Variants in SENP6 observed in about 807,000 individuals in gnomAD.
The protein encoded by SENP6 is sentrin-specific protease 6.
In SENP6, 41 loss-of-function variants were observed where a neutral mutation model predicts 134.5. The ratio of observed to expected loss-of-function variants is 0.30; its 90% CI spans 0.24 to 0.40. SENP6 has a LOEUF of 0.40. Among genes scored for constraint, SENP6 ranks in the 10% least tolerant of loss-of-function variants. SENP6 has a pLI of 1.00. For synonymous variants in SENP6, 395 were observed against 429.8 expected, an observed-to-expected ratio of 0.92 and a Z score of 1.00; for missense variants, 1,248 against 1,312.5, an observed-to-expected ratio of 0.95 and a Z score of 0.76.
chr6:75,636,222 G>A (rs1177131612), intron 5 of SENP6, among the ~76,000 whole-genome samples: 1 of 152,090 alleles, frequency 6.6e-6, no homozygotes, highest in Non-Finnish European at 1.5e-5. Context: ...AACAACCTGA[G>A]TTAATTTGTA....
intron 21 of SENP6, 89 bp downstream of exon 21, chr6:75,711,505 C>T (rs1258859276): frequency 1.3e-6 from 1 of 781,344 alleles, no homozygotes; most frequent in South Asian, 2.4e-5. Context: ...TAAATAAATA[C>T]TTAAGCAAAA....
intron 3 of SENP6, among the ~76,000 whole-genome samples, chr6:75,628,074 G>A (rs546907472): frequency 1.1e-4 from 16 of 152,150 alleles, no homozygotes; most frequent in South Asian, 4.1e-4. Flanking sequence ...AGGACACATT[G>A]ATTTATTTAG....
At position 75,711,568 on chromosome 6, in the gene SENP6, A is replaced by G. The variant is rs909440615; in HGVS notation, c.2909+152A>G. On this transcript the variant is annotated intron_variant, in intron 21 of 23. Transcript: ENST00000447266. ...GAAACTTGAGGCATGCTATCTAGGG[A>G]TTAAAATGGGAAGAATGGGTAATCA... 7.6e-6 allele frequency: 4 copies of G among 524,420 alleles called. No homozygotes were observed. In the African/African-American group the frequency reaches 7.7e-5, roughly 10 times the overall value. The allele number at this position is 524,420 out of a possible 1,614,324, so 32.5% of individuals were successfully genotyped here.
chr6:75,603,256 G>GACTA (rs1245784525), intron 1 of SENP6, among the ~76,000 whole-genome samples: 3 of 152,302 alleles, frequency 2.0e-5, no homozygotes, highest in Admixed American at 2.0e-4. Flanking sequence ...GCTGTAAGTA[G>GACTA]ACTAAGCCAG....
At chr6:75,682,592 T>A (rs2149883482) in intron 16 of SENP6, among the ~76,000 whole-genome samples, 1 of 152,154 alleles carries the variant, frequency 6.6e-6, no homozygotes, top group South Asian at 2.1e-4. Flanking sequence ...TGTGTGATGT[T>A]CCCCGCCCTG....
In SENP6 at chr6:75,693,946, ATAAC is replaced by A. The variant is rs1469622317; in HGVS notation, c.2076-1854_2076-1851del. Reference sequence around the variant, plus strand: ...TGTTTTGCTATAGATGTATAAAAAAATAACTAAGGCAATAAAAACTTAGAACCAG... The same window carrying A: ...TGTTTTGCTATAGATGTATAAAAAAATAAGGCAATAAAAACTTAGAACCAG... On this transcript the variant is annotated intron_variant, in intron 16 of 23. Coordinates refer to ENST00000447266, the MANE Select transcript of SENP6 (RefSeq NM_015571.4). Among the ~76,000 whole-genome samples, 20 of 152,136 alleles carry A rather than the reference ATAAC, an allele frequency of 1.3e-4. No homozygotes were observed. The East Asian group carries it at 3.3e-3, about 25-fold the overall frequency.
At chr6:75,682,858 A>G (rs1049588304) in intron 16 of SENP6, among the ~76,000 whole-genome samples, 10 of 152,176 alleles carry the variant, frequency 6.6e-5, no homozygotes, top group East Asian at 1.9e-4. Flanking sequence ...TAGTGCCGCA[A>G]TAAACATACA....
chr6:75,672,250 T>C (rs1772737097), intron 11 of SENP6, among the ~76,000 whole-genome samples: 1 of 152,244 alleles, frequency 6.6e-6, no homozygotes, highest in African/African-American at 2.4e-5. Context: ...TTTATAACTC[T>C]TCAGTGTGAT....
At chr6:75,678,323 TAGTA>T (rs980386106) in intron 14 of SENP6, 5 of 322,472 alleles carry the variant, frequency 1.6e-5, no homozygotes, top group Admixed American at 5.2e-5. Flanking sequence ...TTCATGTAGA[TAGTA>T]GAGAGAGAAG....
chr6:75,683,329 A>G (rs751048459), intron 16 of SENP6, among the ~76,000 whole-genome samples: 4 of 152,120 alleles, frequency 2.6e-5, no homozygotes, highest in Admixed American at 6.5e-5. Flanking sequence ...GTAGATTGCA[A>G]AAATTTTGTC....
chr6:75,693,262 G>A (rs1774413994), intron 16 of SENP6, among the ~76,000 whole-genome samples: 2 of 151,976 alleles, frequency 1.3e-5, no homozygotes, highest in Non-Finnish European at 2.9e-5. Flanking sequence ...GAAATTAGCT[G>A]GGTGTGGTGG....
At chr6:75,705,329 TA>T in intron 19 of SENP6, among the ~76,000 whole-genome samples, 1 of 151,988 alleles carries the variant, frequency 6.6e-6, no homozygotes, top group Non-Finnish European at 1.5e-5. Flanking sequence ...GGTGGATCAG[TA>T]GGTCAGGAGT....
intron 1 of SENP6, among the ~76,000 whole-genome samples, chr6:75,621,225 G>T (rs2149828696): frequency 6.6e-6 from 1 of 152,324 alleles, no homozygotes; most frequent in East Asian, 1.9e-4. Context: ...AGTGATCAAA[G>T]ATGAGATTTA....
intron 16 of SENP6, among the ~76,000 whole-genome samples, chr6:75,686,489 A>C (rs538914358): frequency 3.9e-5 from 6 of 152,278 alleles, no homozygotes; most frequent in Admixed American, 1.3e-4. Flanking sequence ...TCTTCATAGC[A>C]TCGATGGTCT....
chr6:75,617,110 C>T (rs1767907012), intron 1 of SENP6, among the ~76,000 whole-genome samples: 1 of 151,760 alleles, frequency 6.6e-6, no homozygotes, highest in South Asian at 2.1e-4. Flanking sequence ...AACTCCTGGG[C>T]TAAAGTGATC....
At position 75,623,953 on chromosome 6, in the gene SENP6, GA is replaced by G; in HGVS notation, c.206del (p.Lys69SerfsTer2). ...DEDEDSETSK[G>X]KKLNRRSEIV... ...GATGAGGATTCTGAAACCTCAAAAG[GA>G]AAAAAGGCAAGTGTTGCTTAAAATA... On this transcript the variant is annotated frameshift_variant, in exon 3 of 24. Coordinates refer to ENST00000447266, the MANE Select transcript of SENP6 (RefSeq NM_015571.4). LOFTEE classifies it high-confidence loss of function. 4 of 1,605,910 alleles carry G rather than the reference GA, an allele frequency of 2.5e-6. No homozygotes were observed. Among genetic ancestry groups the G allele is most frequent in the South Asian group, 2.2e-5 (2 of 89,714 alleles).
chr6:75,610,068 G>A (rs1180068262), intron 1 of SENP6, among the ~76,000 whole-genome samples: 2 of 152,176 alleles, frequency 1.3e-5, no homozygotes, highest in African/African-American at 4.8e-5. Context: ...GATTAGAAGT[G>A]TGAGTCACCG....
At chr6:75,659,747 C>T (rs1229496488) in intron 8 of SENP6, among the ~76,000 whole-genome samples, 1 of 152,136 alleles carries the variant, frequency 6.6e-6, no homozygotes, top group Non-Finnish European at 1.5e-5. Flanking sequence ...TTGTTGTTCA[C>T]ATTTGCTTTA....
At chr6:75,713,172 A>G (rs962920709) in intron 21 of SENP6, among the ~76,000 whole-genome samples, 6 of 152,148 alleles carry the variant, frequency 3.9e-5, no homozygotes, top group African/African-American at 1.4e-4. Flanking sequence ...ATTTTGGAAT[A>G]TGGGGATGTT....
Sources: allele counts gnomAD v4.1 joint callset (sites outside exome capture counted in the v4.1 genomes callset), GRCh38; gene constraint gnomAD v4.1.1; transcripts MANE v1.5; gene names NCBI Gene and HGNC (gene_info 2026-07-23, HGNC 2026-07-21).